The following TSPYL4 variants were observed in gnomAD, a reference collection of about 807,000 sequenced individuals.
TSPYL4 encodes the protein testis-specific Y-encoded-like protein 4.
In TSPYL4, 22 loss-of-function variants were observed where a neutral mutation model predicts 24.2. The observed-to-expected ratio is 0.91, with a 90% CI of 0.65 to 1.30. The LOEUF (loss-of-function observed/expected upper bound fraction) is 1.30, where lower values mean the gene tolerates loss of function less well. TSPYL4 is among the 50% of genes most tolerant of loss of function. TSPYL4 has a pLI of 0.00. For missense variants in TSPYL4, 569 were observed against 536.7 expected (o/e 1.06, Z -0.60); for synonymous variants, 211 against 208.2 (o/e 1.01, Z -0.12).
Position 116,253,670 on chromosome 6 carries a change from C to G in TSPYL4, c.339G>C (p.Gln113His). ...GCTCTCCAAGCTGACAGCCATTTTT[C>G]TGGCTGCTGTCAGCAGCCTCGGCGG... ...ASAAEAADSS[Q>H]KNGCQLGEPR... The change falls in exon 1 of 1, where the codon CAG becomes CAC. Residue 113 changes from glutamine (Q) to histidine (H), a missense_variant. Gln to His is a conservative substitution (Grantham distance 24). Transcript: ENST00000420283. This position sits in a 1 kb window ranked among gnomAD's most constrained non-coding sequence, Gnocchi z 4.3. 1 of 1,557,026 alleles carries G rather than the reference C, an allele frequency of 6.4e-7. No homozygotes were observed. The highest frequency in any genetic ancestry group is 8.7e-7 in the Non-Finnish European group (1 of 1,148,710).
rs1242751464 is a variant in TSPYL4, at chr6:116,253,059, C to T, written c.950G>A (p.Arg317His). The T allele has an allele frequency of 6.2e-7, 1 of 1,614,116 alleles. No homozygotes were observed. The highest frequency in any genetic ancestry group is 8.5e-7 in the Non-Finnish European group (1 of 1,180,018). ...RNEGLVKEYE[R>H]RSSGRVVSLS... ...AGACACCACCCGGCCAGAGGATCTG[C>T]GTTCATATTCCTTGACAAGCCCCTC... The change falls in exon 1 of 1, where the codon CGC (arginine) becomes CAC (histidine). Residue 317 changes from arginine (R) to histidine (H), a missense_variant. Physicochemically the swap from Arg to His is conservative, Grantham distance 29. Coordinates refer to ENST00000420283, the MANE Select transcript of TSPYL4 (RefSeq NM_021648.5). This position sits in a 1 kb window ranked among gnomAD's most constrained non-coding sequence, Gnocchi z 4.3.
chr6:116,253,989 C>T lies in TSPYL4; in HGVS notation c.20G>A (p.Gly7Asp), dbSNP rs375497924. The change falls in exon 1 of 1, where the codon GGC becomes GAC. Residue 7 changes from glycine (G) to aspartate (D), a missense_variant. By Grantham distance (94) the Gly-to-Asp change is moderately conservative. Transcript: ENST00000420283. The surrounding 1 kb of genome is among the most constrained non-coding windows in gnomAD (Gnocchi z 4.3). Reference protein sequence around the residue: MSGLDGGNKLPLAQTGG... With the variant: MSGLDGDNKLPLAQTGG... ...GGTTTGGGCGAGAGGGAGCTTGTTG[C>T]CCCCATCCAGGCCGCTCATTTTGGA... 53 of 1,587,466 alleles carry T rather than the reference C, an allele frequency of 3.3e-5. No homozygotes were observed. The African/African-American group carries it at 6.7e-4, about 20-fold the overall frequency.
rs1424495202 is a variant in TSPYL4, at chr6:116,252,299, G to C, written c.*465C>G. The C allele has an allele frequency of 6.4e-6, 1 of 157,000 alleles. No homozygotes were observed. Among genetic ancestry groups the C allele is most frequent in the Non-Finnish European group, 1.4e-5 (1 of 70,722 alleles). 9.7% of individuals were successfully genotyped at this position (157,000 alleles called of 1,614,324 possible). On this transcript the variant is annotated 3_prime_UTR_variant, in exon 1 of 1. Coordinates refer to ENST00000420283, the MANE Select transcript of TSPYL4 (RefSeq NM_021648.5). ...AAGATATCAGTTTTGTCTTGCAGTG[G>C]TAATACCCAAATAGCTTACCATAAG...
Position 116,251,574 on chromosome 6 carries a change from G to C in TSPYL4, c.*1190C>G, listed in dbSNP as rs1771951197. The C allele has an allele frequency of 4.9e-6, 1 of 202,052 alleles. No individual in the cohort carries two copies. Among genetic ancestry groups the C allele is most frequent in the South Asian group, 1.9e-4 (1 of 5,144 alleles). 12.5% of individuals were successfully genotyped at this position (202,052 alleles called of 1,614,324 possible). ...GCAAATTAAACAAAAAGCCTGCTTT[G>C]CCAGTTTTGTTTTCTGTTAATAAGC... On this transcript the variant is annotated 3_prime_UTR_variant, in exon 1 of 1. Transcript: ENST00000420283.
In TSPYL4 at chr6:116,252,397, T is replaced by G. The variant is rs1771966122; in HGVS notation, c.*367A>C. On this transcript the variant is annotated 3_prime_UTR_variant, in exon 1 of 1. Coordinates refer to ENST00000420283, the MANE Select transcript of TSPYL4 (RefSeq NM_021648.5). ...GTTATTTGTGAAAATGTATCAAGAT[T>G]CTTTGTGGTACAGAACCACTTAAAT... 1 of 201,212 alleles carries G rather than the reference T, an allele frequency of 5.0e-6. No homozygotes were observed. Among genetic ancestry groups the G allele is most frequent in the African/African-American group, 2.3e-5 (1 of 43,250 alleles). The allele number at this position is 201,212 out of a possible 1,614,324, so 12.5% of individuals were successfully genotyped here.
Position 116,253,849 on chromosome 6 carries a change from G to T in TSPYL4, c.160C>A (p.Leu54Met), listed in dbSNP as rs759107370. ...GCACCCCCCTCCGCAACGGTCTCCAGGCTGCCCCCACCTGTGTTCGCCATC... is the reference window on the plus strand; with the variant it reads ...GCACCCCCCTCCGCAACGGTCTCCATGCTGCCCCCACCTGTGTTCGCCATC... Reference protein sequence around the residue: ...QVMANTGGGSLETVAEGGASQ... With the variant: ...QVMANTGGGSMETVAEGGASQ... Residue 54 changes from leucine to methionine, a missense_variant, in exon 1 of 1, where the codon CTG becomes ATG. By Grantham distance (15) the Leu-to-Met change is conservative. Coordinates refer to ENST00000420283, the MANE Select transcript of TSPYL4 (RefSeq NM_021648.5). The surrounding 1 kb of genome is among the most constrained non-coding windows in gnomAD (Gnocchi z 4.3). 6 of 1,613,280 alleles carry T rather than the reference G, an allele frequency of 3.7e-6. No individual in the cohort carries two copies. The highest frequency in any genetic ancestry group is 5.1e-6 in the Non-Finnish European group (6 of 1,179,626).
At position 116,253,564 on chromosome 6, in the gene TSPYL4, C is replaced by T; in HGVS notation, c.445G>A (p.Ala149Thr). 6.4e-7 allele frequency: 1 copy of T among 1,552,022 alleles called. No homozygotes were observed. The highest frequency in any genetic ancestry group is 8.7e-7 in the Non-Finnish European group (1 of 1,147,076). ...CGTTTTTTAGTCGTCACTTCCTTGG[C>T]CTTCTTCCCCGGTATCATCTGAGAC... ...LGSQMIPGKK[A>T]KEVTTKKRAI... is the part of the protein sequence containing the mutation. Residue 149 changes from alanine (A) to threonine (T), a missense_variant, in exon 1 of 1, where the codon GCC becomes ACC. Coordinates refer to ENST00000420283, the MANE Select transcript of TSPYL4 (RefSeq NM_021648.5). This position sits in a 1 kb window ranked among gnomAD's most constrained non-coding sequence, Gnocchi z 4.3.
At position 116,253,137 on chromosome 6, in the gene TSPYL4, C is replaced by CT; in HGVS notation, c.871dup (p.Arg291LysfsTer19). Reference sequence around the variant, plus strand: ...GATGAACTTGAATTTGCAGCCTGCTCTGGGGTGTTTAAGCTCCTCCACCTC... The same window carrying CT: ...GATGAACTTGAATTTGCAGCCTGCTCTTGGGGTGTTTAAGCTCCTCCACCTC... On this transcript the variant is annotated frameshift_variant, in exon 1 of 1. Coordinates refer to ENST00000420283, the MANE Select transcript of TSPYL4 (RefSeq NM_021648.5). LOFTEE classifies it high-confidence loss of function. The surrounding 1 kb of genome is among the most constrained non-coding windows in gnomAD (Gnocchi z 4.3). The CT allele has an allele frequency of 6.2e-7, 1 of 1,614,040 alleles. No individual in the cohort carries two copies. The highest frequency in any genetic ancestry group is 8.5e-7 in the Non-Finnish European group (1 of 1,179,950).
In TSPYL4 at chr6:116,250,935, G is replaced by GA; in HGVS notation, c.*1828dup. 2 of 355,930 alleles carry GA rather than the reference G, an allele frequency of 5.6e-6. No individual in the cohort carries two copies. Among genetic ancestry groups the GA allele is most frequent in the Non-Finnish European group, 1.0e-5 (2 of 199,990 alleles). 22.0% of individuals were successfully genotyped at this position (355,930 alleles called of 1,614,324 possible). A position where few individuals can be genotyped will look rare whatever the true frequency, so the allele number is the denominator to read the frequency against. ...GTCCCACCTACTGGAACTTGTCCGT[G>GA]AAAATCCACACAGATGCTGCACATC... On this transcript the variant is annotated 3_prime_UTR_variant, in exon 1 of 1. Transcript: ENST00000420283.
rs750104590 is a variant in TSPYL4, at chr6:116,253,229, G to C, written c.780C>G (p.Asn260Lys). The C allele has an allele frequency of 1.2e-6, 2 of 1,613,970 alleles. No homozygotes were observed. Among genetic ancestry groups the C allele is most frequent in the Non-Finnish European group, 1.7e-6 (2 of 1,179,940 alleles). The change falls in exon 1 of 1, where the codon AAC becomes AAG. Residue 260 changes from asparagine (N) to lysine (K), a missense_variant. Coordinates refer to ENST00000420283, the MANE Select transcript of TSPYL4 (RefSeq NM_021648.5). This position sits in a 1 kb window ranked among gnomAD's most constrained non-coding sequence, Gnocchi z 4.3. ...IPGFWVTAFRNHPQLSPMISG... is the reference protein window; with the variant it reads ...IPGFWVTAFRKHPQLSPMISG... ...TGATCATAGGTGACAGCTGGGGGTG[G>C]TTTCGAAAGGCAGTAACCCAGAAAC... is the stretch of plus-strand genomic sequence containing the variant.
Position 116,250,813 on chromosome 6 carries a change from G to C in TSPYL4, c.*1951C>G, listed in dbSNP as rs1244144598. 1 of 167,424 alleles carries C rather than the reference G, an allele frequency of 6.0e-6. No homozygotes were observed. The highest frequency in any genetic ancestry group is 1.3e-5 in the Non-Finnish European group (1 of 78,348). 10.4% of individuals were successfully genotyped at this position (167,424 alleles called of 1,614,324 possible). A position where few individuals can be genotyped will look rare whatever the true frequency, so the allele number is the denominator to read the frequency against. On this transcript the variant is annotated 3_prime_UTR_variant, in exon 1 of 1. Coordinates refer to ENST00000420283, the MANE Select transcript of TSPYL4 (RefSeq NM_021648.5). ...TTCAGACCTCCTAAACCCTCAGGTA[G>C]CTTAGGGCAAGGCCTTCAAAACCAA...
Position 116,252,945 on chromosome 6 carries a change from A to G in TSPYL4, c.1064T>C (p.Phe355Ser), listed in dbSNP as rs770370205. Residue 355 changes from phenylalanine to serine, a missense_variant, in exon 1 of 1, where the codon TTC (phenylalanine) becomes TCC (serine). Physicochemically the swap from Phe to Ser is radical, Grantham distance 155 (BLOSUM62 -2). Coordinates refer to ENST00000420283, the MANE Select transcript of TSPYL4 (RefSeq NM_021648.5). ...AAGGCTGTGGTCTGAAAACCAGTTG[A>G]AGAAACTAGGGATAGTGTTCCCTTC... Reference protein sequence around the residue: ...NREGNTIPSFFNWFSDHSLLE... With the variant: ...NREGNTIPSFSNWFSDHSLLE... 6.2e-7 allele frequency: 1 copy of G among 1,613,834 alleles called. No individual in the cohort carries two copies. Among genetic ancestry groups the G allele is most frequent in the Non-Finnish European group, 8.5e-7 (1 of 1,179,812 alleles).
In TSPYL4 at chr6:116,253,151, C is replaced by T. The variant is rs374885412; in HGVS notation, c.858G>A (p.Glu286=). 6.2e-7 allele frequency: 1 copy of T among 1,613,914 alleles called. No individual in the cohort carries two copies. Among genetic ancestry groups the T allele is most frequent in the African/African-American group, 1.3e-5 (1 of 74,916 alleles). Residue 286 remains glutamate, a synonymous_variant, in exon 1 of 1, where the codon GAG becomes GAA. Transcript: ENST00000420283. This position sits in a 1 kb window ranked among gnomAD's most constrained non-coding sequence, Gnocchi z 4.3. ...LRYMINLEVE[E]LKHPRAGCKF... ...TGCAGCCTGCTCTGGGGTGTTTAAG[C>T]TCCTCCACCTCCAAATTGATCATGT...
At position 116,253,486 on chromosome 6, in the gene TSPYL4, C is replaced by T. The variant is rs746083591; in HGVS notation, c.523G>A (p.Glu175Lys). Residue 175 changes from glutamate (E) to lysine (K), a missense_variant, in exon 1 of 1, where the codon GAA becomes AAA. Coordinates refer to ENST00000420283, the MANE Select transcript of TSPYL4 (RefSeq NM_021648.5). The surrounding 1 kb of genome is among the most constrained non-coding windows in gnomAD (Gnocchi z 4.3). ...TTTTCCTTCTGCACTACCTTCTTTT[C>T]CTCCATCGCCGCCCCTGCTTCTCCC... The part of the protein sequence containing the change: ...KEGEAGAAME[E>K]KKVVQKEKKV... The T allele has an allele frequency of 2.1e-5, 33 of 1,551,644 alleles. No individual in the cohort carries two copies. Among genetic ancestry groups the T allele is most frequent in the Non-Finnish European group, 2.9e-5 (33 of 1,147,020 alleles).
rs759642234 is a variant in TSPYL4, at chr6:116,253,177, A to C, written c.832T>G (p.Tyr278Asp). 6.2e-7 allele frequency: 1 copy of C among 1,613,978 alleles called. No individual in the cohort carries two copies. The highest frequency in any genetic ancestry group is 1.1e-5 in the South Asian group (1 of 91,074). ...TCCTCCACCTCCAAATTGATCATGT[A>C]CCTCAGCATGTCTTCATCTTGGCCA... is the stretch of plus-strand genomic sequence containing the variant. ...ISGQDEDMLR[Y>D]MINLEVEELK... The change falls in exon 1 of 1, where the codon TAC (tyrosine) becomes GAC (aspartate). Residue 278 changes from tyrosine (Y) to aspartate (D), a missense_variant. Tyr to Asp is a radical substitution (Grantham distance 160, BLOSUM62 -3). Coordinates refer to ENST00000420283, the MANE Select transcript of TSPYL4 (RefSeq NM_021648.5). This position sits in a 1 kb window ranked among gnomAD's most constrained non-coding sequence, Gnocchi z 4.3.
At position 116,253,390 on chromosome 6, in the gene TSPYL4, G is replaced by C; in HGVS notation, c.619C>G (p.Leu207Val). The part of the protein sequence containing the change: ...APKINNCMDS[L>V]EAIDQELSNV... ...GACAACTCTTGATCGATGGCCTCCA[G>C]TGAGTCCATGCAGTTATTGATCTTC... The change falls in exon 1 of 1, where the codon CTG becomes GTG. Residue 207 changes from leucine (L) to valine (V), a missense_variant. Physicochemically the swap from Leu to Val is conservative, Grantham distance 32. Coordinates refer to ENST00000420283, the MANE Select transcript of TSPYL4 (RefSeq NM_021648.5). The surrounding 1 kb of genome is among the most constrained non-coding windows in gnomAD (Gnocchi z 4.3). 1.3e-6 allele frequency: 2 copies of C among 1,552,136 alleles called. No homozygotes were observed. Among genetic ancestry groups the C allele is most frequent in the Non-Finnish European group, 1.7e-6 (2 of 1,147,154 alleles).
At position 116,253,890 on chromosome 6, in the gene TSPYL4, G is replaced by A. The variant is rs1204725999; in HGVS notation, c.119C>T (p.Thr40Ile). ...RDQCQGLREE[T>I]EATQVMANTG... ...GTTCGCCATCACCTGTGTCGCCTCG[G>A]TTTCTTCACGGAGCCCTTGGCACTG... Residue 40 changes from threonine (T) to isoleucine (I), a missense_variant, in exon 1 of 1, where the codon ACC becomes ATC. Coordinates refer to ENST00000420283, the MANE Select transcript of TSPYL4 (RefSeq NM_021648.5). This position sits in a 1 kb window ranked among gnomAD's most constrained non-coding sequence, Gnocchi z 4.3. 6.2e-7 allele frequency: 1 copy of A among 1,613,768 alleles called. No individual in the cohort carries two copies. The highest frequency in any genetic ancestry group is 1.3e-5 in the African/African-American group (1 of 74,934).
chr6:116,251,387 C>T lies in TSPYL4; in HGVS notation c.*1377G>A, dbSNP rs1771948864. 3 of 396,656 alleles carry T rather than the reference C, an allele frequency of 7.6e-6. No individual in the cohort carries two copies. 24.6% of individuals were successfully genotyped at this position (396,656 alleles called of 1,614,324 possible). A position where few individuals can be genotyped will look rare whatever the true frequency, so the allele number is the denominator to read the frequency against. ...GGTAAAAAGATAAATATGTCAAAAT[C>T]TGCCTAATTTAACACTGCCTATAAC... On this transcript the variant is annotated 3_prime_UTR_variant, in exon 1 of 1. Transcript: ENST00000420283.
Position 116,253,478 on chromosome 6 carries a change from C to T in TSPYL4, c.531G>A (p.Lys177=), listed in dbSNP as rs958301696. 8 of 1,551,644 alleles carry T rather than the reference C, an allele frequency of 5.2e-6. No homozygotes were observed. The highest frequency in any genetic ancestry group is 3.9e-5 in the Admixed American group (2 of 50,966). ...CCACCTTTTTTTCCTTCTGCACTACCTTCTTTTCCTCCATCGCCGCCCCTG... is the reference window on the plus strand; with the variant it reads ...CCACCTTTTTTTCCTTCTGCACTACTTTCTTTTCCTCCATCGCCGCCCCTG... ...GEAGAAMEEK[K]VVQKEKKVAG... is the part of the protein sequence containing the mutation. The change falls in exon 1 of 1, where the codon AAG becomes AAA. Residue 177 remains lysine, a synonymous_variant. Coordinates refer to ENST00000420283, the MANE Select transcript of TSPYL4 (RefSeq NM_021648.5). The surrounding 1 kb of genome is among the most constrained non-coding windows in gnomAD (Gnocchi z 4.3).
Sources: allele counts gnomAD v4.1 joint callset, GRCh38; gene constraint gnomAD v4.1.1; non-coding constraint Gnocchi (gnomAD v3.1); transcripts MANE v1.5; gene names NCBI Gene and HGNC (gene_info 2026-07-23, HGNC 2026-07-21).